The following TCERG1L variants were observed in gnomAD, a reference collection of about 807,000 sequenced individuals.
TCERG1L encodes transcription elongation regulator 1 like.
A neutral mutation model predicts 56.3 loss-of-function variants in TCERG1L; 37 were observed. The ratio of observed to expected loss-of-function variants is 0.66; its 90% CI spans 0.51 to 0.87. TCERG1L has a LOEUF of 0.87. TCERG1L is among the 40% of genes least tolerant of loss of function. TCERG1L has a pLI of 0.00. For missense variants in TCERG1L, 799 were observed against 774.2 expected (o/e 1.03, Z -0.38); for synonymous variants, 324 against 326.3 (o/e 0.99, Z 0.08).
At chr10:131,237,817 C>T (rs776446479) in intron 4 of TCERG1L, among the ~76,000 whole-genome samples, 4 of 152,178 alleles carry the variant, frequency 2.6e-5, no homozygotes, top group Admixed American at 1.3e-4. Flanking sequence ...GCCTTGAACC[C>T]GGTAACACCT....
intron 4 of TCERG1L, among the ~76,000 whole-genome samples, chr10:131,209,695 C>T (rs11596938): frequency 0.077 from 11,721 of 152,088 alleles, 550 homozygotes; most frequent in Middle Eastern, 0.12. Flanking sequence ...CTACCAGTGA[C>T]AAACACAGTA....
intron 4 of TCERG1L, among the ~76,000 whole-genome samples, chr10:131,216,430 G>C (rs953292574): frequency 7.2e-5 from 11 of 152,114 alleles, no homozygotes; most frequent in Non-Finnish European, 1.6e-4. Context: ...ACAATATCTT[G>C]CTTCTTTTGA....
intron 6 of TCERG1L, 133 bp from the exon 7 acceptor site, chr10:131,146,793 A>G: frequency 1.0e-6 from 1 of 995,862 alleles, no homozygotes. Context: ...TATGGATAGT[A>G]TGAATACTAA....
At chr10:131,165,356 G>A (rs1846019740) in intron 5 of TCERG1L, among the ~76,000 whole-genome samples, 1 of 152,190 alleles carries the variant, frequency 6.6e-6, no homozygotes, top group Non-Finnish European at 1.5e-5. Flanking sequence ...GAAGGAAGGG[G>A]TGGTCTCTTT....
chr10:131,211,531 T>C (rs1845620531), intron 4 of TCERG1L, among the ~76,000 whole-genome samples: 1 of 152,180 alleles, frequency 6.6e-6, no homozygotes, highest in African/African-American at 2.4e-5. Flanking sequence ...CAGTGACTTC[T>C]CCATCCACAT....
chr10:131,178,874 C>A (rs1845140515), intron 4 of TCERG1L, among the ~76,000 whole-genome samples: 3 of 152,364 alleles, frequency 2.0e-5, no homozygotes, highest in Admixed American at 2.0e-4. Context: ...CTCCGCAGAG[C>A]TGCAAATGAA....
intron 7 of TCERG1L, among the ~76,000 whole-genome samples, chr10:131,137,880 C>T (rs1246347279): frequency 6.6e-6 from 1 of 152,154 alleles, no homozygotes; most frequent in East Asian, 1.9e-4. Flanking sequence ...TGGGTCTCCA[C>T]CAAGACTGCC....
intron 8 of TCERG1L, among the ~76,000 whole-genome samples, chr10:131,117,540 A>G: frequency 6.6e-6 from 1 of 152,198 alleles, no homozygotes; most frequent in African/African-American, 2.4e-5. Flanking sequence ...GGCCCTGGAG[A>G]AGTTCCCTCC....
At chr10:131,141,658 T>C (rs1413387012) in intron 7 of TCERG1L, among the ~76,000 whole-genome samples, 1 of 150,746 alleles carries the variant, frequency 6.6e-6, no homozygotes, top group Admixed American at 6.6e-5. Context: ...TTCCCCTCCC[T>C]CCTTTCCAAC....
chr10:131,305,874 TGTA>T (rs1305215380), intron 3 of TCERG1L, among the ~76,000 whole-genome samples: 1 of 151,972 alleles, frequency 6.6e-6, no homozygotes, highest in East Asian at 1.9e-4. Context: ...ATATTTTAAA[TGTA>T]GTACATGCAT....
chr10:131,238,387 G>T (rs899268872), intron 4 of TCERG1L, among the ~76,000 whole-genome samples: 2 of 152,192 alleles, frequency 1.3e-5, no homozygotes, highest in Non-Finnish European at 2.9e-5. Flanking sequence ...GGTGTAACAC[G>T]CAGGGCGGGG....
rs1845800580 is a variant in TCERG1L, at chr10:131,227,298, G to T, written c.856+32961C>A. On this transcript the variant is annotated intron_variant, in intron 4 of 11. Coordinates refer to ENST00000368642, the MANE Select transcript of TCERG1L (RefSeq NM_174937.4). ...AGTGGTCTGAAAAAGGTGATCCCTG[G>T]TTCTCCTCCCAAAGCTGGGCTCGGA... is the stretch of plus-strand genomic sequence containing the variant. Among the ~76,000 whole-genome samples the T allele has an allele frequency of 4.6e-5, 7 of 152,208 alleles. No individual in the cohort carries two copies. In the South Asian group the frequency reaches 1.4e-3, roughly 32 times the overall value.
At chr10:131,286,454 G>A (rs997237976) in intron 3 of TCERG1L, among the ~76,000 whole-genome samples, 6 of 152,210 alleles carry the variant, frequency 3.9e-5, no homozygotes, top group Non-Finnish European at 8.8e-5. Context: ...TAATGCACCC[G>A]CATACTAGCC....
At chr10:131,203,313 T>TAAAAAAAAAAAAAA (rs1316329338) in intron 4 of TCERG1L, among the ~76,000 whole-genome samples, 2 of 39,070 alleles carry the variant, frequency 5.1e-5, no homozygotes, top group East Asian at 1.1e-3. Flanking sequence ...AGACTCCGTC[T>TAAAAAAAAAAAAAA]CAAAAAAAAA....
At position 131,103,204 on chromosome 10, in the gene TCERG1L, C is replaced by T. The variant is rs1845320159; in HGVS notation, c.1485+1061G>A. ...ATTGCAATGGGAATACACATGCCAT[C>T]GTAAATGACAAGAATATTCAGGGAG... On this transcript the variant is annotated intron_variant, in intron 10 of 11. Coordinates refer to ENST00000368642, the MANE Select transcript of TCERG1L (RefSeq NM_174937.4). This position sits in a 1 kb window ranked among gnomAD's most constrained non-coding sequence, Gnocchi z 4.3. Among the ~76,000 whole-genome samples the T allele has an allele frequency of 6.6e-6, 1 of 151,460 alleles. No homozygotes were observed. Among genetic ancestry groups the T allele is most frequent in the Non-Finnish European group, 1.5e-5 (1 of 67,984 alleles).
chr10:131,123,681 G>A (rs996431887), intron 8 of TCERG1L, among the ~76,000 whole-genome samples: 7 of 152,054 alleles, frequency 4.6e-5, no homozygotes, highest in Non-Finnish European at 1.0e-4. Context: ...CTGACTTAGC[G>A]CTCGCTTCTC....
intron 1 of TCERG1L, among the ~76,000 whole-genome samples, chr10:131,310,660 T>C (rs1846877719): frequency 6.6e-6 from 1 of 152,154 alleles, no homozygotes; most frequent in Admixed American, 6.5e-5. Flanking sequence ...AAAGCCAAAC[T>C]CTAGTTCTAA....
rs536546419 is a variant in TCERG1L, at chr10:131,247,215, T to C, written c.856+13044A>G. On this transcript the variant is annotated intron_variant, in intron 4 of 11. Transcript: ENST00000368642. The stretch of plus-strand genomic sequence containing the variant: ...TCACTGGAGGTGGTTGCCCATGCTG[T>C]GCCTACTCAAAGGTACCCTGTGCTG... Among the ~76,000 whole-genome samples, 23 of 152,350 alleles carry C rather than the reference T, an allele frequency of 1.5e-4. No homozygotes were observed. In the South Asian group the frequency reaches 4.6e-3, roughly 30 times the overall value.
At chr10:131,111,182 C>T (rs1273576607) in intron 9 of TCERG1L, among the ~76,000 whole-genome samples, 1 of 143,106 alleles carries the variant, frequency 7.0e-6, no homozygotes, top group Admixed American at 6.9e-5. Flanking sequence ...CCCGCTCCGA[C>T]CCTGACACTG....
Sources: allele counts gnomAD v4.1 joint callset (sites outside exome capture counted in the v4.1 genomes callset), GRCh38; gene constraint gnomAD v4.1.1; non-coding constraint Gnocchi (gnomAD v3.1); transcripts MANE v1.5; gene names NCBI Gene and HGNC (gene_info 2026-07-23, HGNC 2026-07-21).